Variants in TG observed in about 807,000 individuals in gnomAD.
The protein encoded by TG is thyroid hormones.
A neutral mutation model predicts 324.7 loss-of-function variants in TG; 270 were observed. The ratio of observed to expected loss-of-function variants is 0.83; its 90% confidence interval spans 0.75 to 0.92. The LOEUF is 0.92. TG is among the 40% of genes least tolerant of loss of function. TG has a pLI of 0.00. For missense variants in TG, 3,591 were observed against 3,456.4 expected, an observed-to-expected ratio of 1.04 and a Z score of -0.98; for synonymous variants, 1,401 against 1,327.0, an observed-to-expected ratio of 1.06 and a Z score of -1.21.
At chr8:133,113,345 G>C in intron 43 of TG, 77 bp from the exon 44 acceptor site, 2 of 1,560,506 alleles carry the variant, frequency 1.3e-6, no homozygotes, top group Non-Finnish European at 8.8e-7. Context: ...GAAAATTCTA[G>C]AGCAAGGGTT....
chr8:133,115,017 G>A (rs1004820617), intron 44 of TG, among the ~76,000 whole-genome samples: 1 of 152,168 alleles, frequency 6.6e-6, no homozygotes, highest in African/African-American at 2.4e-5. Flanking sequence ...GCCCTGGGCT[G>A]GACCATAAGA....
chr8:132,969,387 T>G, intron 31 of TG, 71 bp from the exon 32 acceptor site: 1 of 1,032,764 alleles, frequency 9.7e-7, no homozygotes, highest in South Asian at 1.3e-5. Flanking sequence ...TGTATTTTAC[T>G]CATTTGTCCT....
chr8:133,109,263 A>G (rs2131735930), intron 43 of TG, among the ~76,000 whole-genome samples: 1 of 152,296 alleles, frequency 6.6e-6, no homozygotes, highest in South Asian at 2.1e-4. Context: ...GTTAAAATGC[A>G]CGTTCCTGGG....
intron 43 of TG, among the ~76,000 whole-genome samples, chr8:133,097,819 G>A (rs1202059843): frequency 2.0e-5 from 3 of 152,176 alleles, no homozygotes; most frequent in Admixed American, 6.5e-5. Flanking sequence ...TTATGTGTGC[G>A]TGTGTATGTA....
chr8:132,900,836 C>T (rs1364291792), intron 15 of TG, among the ~76,000 whole-genome samples: 1 of 152,184 alleles, frequency 6.6e-6, no homozygotes, highest in Non-Finnish European at 1.5e-5. Context: ...CTTTCTTCTC[C>T]ATCAGTTGTG....
At chr8:132,868,441 G>A (rs1357934879) in intron 2 of TG, among the ~76,000 whole-genome samples, 2 of 151,750 alleles carry the variant, frequency 1.3e-5, no homozygotes, top group Admixed American at 6.6e-5. Context: ...ATCTGACCAA[G>A]TGAACCCCAA....
At chr8:133,116,332 T>G (rs1244422859) in intron 44 of TG, among the ~76,000 whole-genome samples, 1 of 152,256 alleles carries the variant, frequency 6.6e-6, no homozygotes, top group Admixed American at 6.5e-5. Context: ...TTTCACAGGT[T>G]TTTTGATGCC....
At chr8:132,869,079 G>A (rs1026061215) in intron 2 of TG, among the ~76,000 whole-genome samples, 2 of 152,220 alleles carry the variant, frequency 1.3e-5, no homozygotes, top group African/African-American at 4.8e-5. Context: ...AAGGAGTTAA[G>A]GAGGAAGTCT....
At chr8:133,078,826 A>T (rs986586643) in intron 41 of TG, among the ~76,000 whole-genome samples, 2 of 152,188 alleles carry the variant, frequency 1.3e-5, no homozygotes, top group African/African-American at 4.8e-5. Context: ...ACAGACGGGG[A>T]GAGAATTCTC....
intron 45 of TG, among the ~76,000 whole-genome samples, chr8:133,118,967 G>C (rs1408254251): frequency 1.3e-5 from 2 of 152,248 alleles, no homozygotes; most frequent in African/African-American, 4.8e-5. Flanking sequence ...CTACAGAAGA[G>C]AGAAGGCAAT....
chr8:133,069,864 TG>T (rs1943839171), intron 41 of TG, among the ~76,000 whole-genome samples: 1 of 150,650 alleles, frequency 6.6e-6, no homozygotes, highest in African/African-American at 2.4e-5. Flanking sequence ...CAGCTGGGCG[TG>T]GTGGCAGGTG....
chr8:132,974,401 G>T (rs1829943526), intron 34 of TG, among the ~76,000 whole-genome samples: 1 of 152,178 alleles, frequency 6.6e-6, no homozygotes, highest in Non-Finnish European at 1.5e-5. Flanking sequence ...ATTTACGTGG[G>T]TTATACCATT....
chr8:133,075,447 G>A (rs897632250), intron 41 of TG, among the ~76,000 whole-genome samples: 6 of 152,122 alleles, frequency 3.9e-5, no homozygotes, highest in South Asian at 2.1e-4. Flanking sequence ...CAATGTGTGC[G>A]TCAAGGGAAA....
Position 133,116,706 on chromosome 8 carries a change from G to A in TG, c.7852G>A (p.Gly2618Ser), listed in dbSNP as rs1167909326. 5.6e-6 allele frequency: 9 copies of A among 1,614,046 alleles called. No individual in the cohort carries two copies. The highest frequency in any genetic ancestry group is 1.1e-5 in the South Asian group (1 of 91,088). Residue 2618 changes from glycine (G) to serine (S), a missense_variant, in exon 45 of 48, where the codon GGC becomes AGC. Transcript: ENST00000220616. Reference sequence around the variant, plus strand: ...CATGTACCATGCTCCTGAAAACTACGGCCATGGCAGGTAAGACGCTGCAGG... The same window carrying A: ...CATGTACCATGCTCCTGAAAACTACAGCCATGGCAGGTAAGACGCTGCAGG... ...VFMYHAPENY[G>S]HGSLELLADV...
At chr8:133,013,570 A>G (rs769253962) in intron 36 of TG, 30 bp from the exon 37 acceptor site, 2 of 1,613,746 alleles carry the variant, frequency 1.2e-6, no homozygotes, top group South Asian at 2.2e-5. Flanking sequence ...TCTGAGGCCC[A>G]AGCATCACTC....
At chr8:132,989,440 G>A (rs1832029492) in intron 35 of TG, among the ~76,000 whole-genome samples, 1 of 152,210 alleles carries the variant, frequency 6.6e-6, no homozygotes, top group South Asian at 2.1e-4. Context: ...TGCAGCACAG[G>A]TTGCTGCTGG....
At chr8:132,897,612 G>T (rs1817302215) in intron 11 of TG, 37 bp from the exon 12 acceptor site, 4 of 1,613,652 alleles carry the variant, frequency 2.5e-6, no homozygotes, top group Non-Finnish European at 3.4e-6. Flanking sequence ...CACAGAGCAG[G>T]TGGTCATATT....
intron 44 of TG, among the ~76,000 whole-genome samples, chr8:133,115,345 G>C (rs901058287): frequency 3.3e-5 from 5 of 152,098 alleles, no homozygotes; most frequent in African/African-American, 1.2e-4. Flanking sequence ...CCCACCCGAG[G>C]CCTGCCAGTG....
In TG at chr8:132,923,377, G is replaced by A; in HGVS notation, c.4568G>A (p.Cys1523Tyr). 5.0e-6 allele frequency: 8 copies of A among 1,614,170 alleles called. No homozygotes were observed. Among genetic ancestry groups the A allele is most frequent in the Non-Finnish European group, 6.8e-6 (8 of 1,180,026 alleles). ...CAGAGGAACGAAGCAGGCCTGCAAT[G>A]TGACCAGAATGGCCAGTATCGAGCC... ...DCQRNEAGLQ[C>Y]DQNGQYRASQ... Residue 1523 changes from cysteine to tyrosine, a missense_variant, in exon 22 of 48, where the codon TGT becomes TAT. Coordinates refer to ENST00000220616, the MANE Select transcript of TG (RefSeq NM_003235.5).
Sources: allele counts gnomAD v4.1 joint callset (sites outside exome capture counted in the v4.1 genomes callset), GRCh38; gene constraint gnomAD v4.1.1; transcripts MANE v1.5; gene names NCBI Gene and HGNC (gene_info 2026-07-23, HGNC 2026-07-21).